Variants in STRBP observed in about 807,000 individuals in gnomAD.
STRBP encodes the protein spermatid perinuclear RNA-binding protein.
A neutral mutation model predicts 80.1 loss-of-function variants in STRBP; 13 were observed. The ratio of observed to expected loss-of-function variants is 0.16; its 90% confidence interval spans 0.11 to 0.26. The LOEUF is 0.26. Ranked by LOEUF, STRBP falls within the 10% of genes least tolerant of loss-of-function variation. STRBP has a pLI of 1.00. For missense variants in STRBP, 485 were observed against 815.2 expected (o/e 0.59, Z 4.93); for synonymous variants, 284 against 291.2 (o/e 0.98, Z 0.25).
intron 1 of STRBP, among the ~76,000 whole-genome samples, chr9:123,259,050 A>C (rs1054374119): frequency 1.4e-5 from 2 of 143,896 alleles, no homozygotes; most frequent in African/African-American, 5.0e-5. Context: ...ATAGACTATA[A>C]GGAGGAAAGG....
At chr9:123,265,962 A>G (rs570072351) in intron 1 of STRBP, among the ~76,000 whole-genome samples, 1 of 152,328 alleles carries the variant, frequency 6.6e-6, no homozygotes, top group East Asian at 1.9e-4. Flanking sequence ...TGCCTATAGC[A>G]TGGGACTCAG....
rs746789158 is a variant in STRBP, at chr9:123,115,341, C to T, written c.*84+588G>A. The T allele has an allele frequency of 9.1e-5, 43 of 471,070 alleles. 1 individual carries two copies. Among genetic ancestry groups the T allele is most frequent in the Middle Eastern group, 6.5e-4 (2 of 3,078 alleles). The allele number at this position is 471,070 out of a possible 1,614,324, so 29.2% of individuals were successfully genotyped here. A position where few individuals can be genotyped will look rare whatever the true frequency, so the allele number is the denominator to read the frequency against. On this transcript the variant is annotated intron_variant and NMD_transcript_variant, in intron 3 of 3. Transcript: ENST00000471564. The surrounding 1 kb of genome is among the most constrained non-coding windows in gnomAD (Gnocchi z 5.0). ...GGCCTGGCTCCTCTCCTGCCCTCGG[C>T]GGGAGACCTGGGAACGGGCCTGCCA... is the stretch of plus-strand genomic sequence containing the variant.
chr9:123,183,027 A>C (rs80116144), intron 3 of STRBP, among the ~76,000 whole-genome samples: 2,459 of 124,268 alleles, frequency 0.02, 47 homozygotes, highest in Non-Finnish European at 0.03. Context: ...AAAAAAAAAA[A>C]AAAAAAAAAA....
At chr9:123,222,366 T>C (rs532262115) in intron 2 of STRBP, among the ~76,000 whole-genome samples, 9 of 152,202 alleles carry the variant, frequency 5.9e-5, no homozygotes, top group Admixed American at 3.9e-4. Flanking sequence ...GTCCCACACC[T>C]GGAATCAGCC....
In STRBP at chr9:123,268,575, G is replaced by A. The variant is rs941984786; in HGVS notation, c.-441C>T. ...CTGCCCTGGTGGCGCTCGCGGCTCC[G>A]GTCTCCGCTTCGGCGGCGGCAGCGG... On this transcript the variant is annotated 5_prime_UTR_variant, in exon 1 of 19. Transcript: ENST00000348403. The A allele has an allele frequency of 2.0e-4, 34 of 167,236 alleles. No homozygotes were observed. The highest frequency in any genetic ancestry group is 7.5e-4 in the African/African-American group (31 of 41,466). 10.4% of individuals were successfully genotyped at this position (167,236 alleles called of 1,614,324 possible).
At chr9:123,249,898 A>AAC (rs1416263636) in intron 1 of STRBP, among the ~76,000 whole-genome samples, 3 of 152,232 alleles carry the variant, frequency 2.0e-5, no homozygotes, top group African/African-American at 7.2e-5. Context: ...GAGGCTATAT[A>AAC]ACGTTGAAGA....
At chr9:123,259,478 G>A (rs977107337) in intron 1 of STRBP, among the ~76,000 whole-genome samples, 12 of 152,126 alleles carry the variant, frequency 7.9e-5, no homozygotes, top group Non-Finnish European at 1.5e-4. Flanking sequence ...AGGCCGAGGC[G>A]GGTGGATCAC....
intron 1 of STRBP, among the ~76,000 whole-genome samples, chr9:123,239,344 T>C (rs938235360): frequency 2.2e-4 from 34 of 151,972 alleles, no homozygotes; most frequent in Non-Finnish European, 4.6e-4. Flanking sequence ...CACTGCACTC[T>C]GGCCTGGGTG....
chr9:123,147,304 T>G (rs1564235829), intron 12 of STRBP, among the ~76,000 whole-genome samples: 1 of 152,176 alleles, frequency 6.6e-6, no homozygotes, highest in Non-Finnish European at 1.5e-5. Context: ...CAAAAAAGCT[T>G]GGAAACAAAA....
At chr9:123,222,747 T>C (rs1018186580) in intron 2 of STRBP, among the ~76,000 whole-genome samples, 1 of 152,160 alleles carries the variant, frequency 6.6e-6, no homozygotes, top group African/African-American at 2.4e-5. Context: ...ACATTAAGAA[T>C]ATTCCAAAAG....
Position 123,170,043 on chromosome 9 carries a change from G to A in STRBP, c.394C>T (p.Leu132Phe), listed in dbSNP as rs1316157919. 2 of 1,595,290 alleles carry A rather than the reference G, an allele frequency of 1.3e-6. No homozygotes were observed. Among genetic ancestry groups the A allele is most frequent in the South Asian group, 2.3e-5 (2 of 86,790 alleles). ...KDNLPIQIQK[L>F]TEEKYQVEQC... ...TCCACTTGATATTTCTCTTCTGTGA[G>A]TTTCTGAAAGTCACCAAGATTTCAA... Residue 132 changes from leucine (L) to phenylalanine (F), a missense_variant, in exon 6 of 19, where the codon CTC (leucine) becomes TTC (phenylalanine). Around this residue, in one of 3 missense-constraint regions of STRBP, gnomAD observed 377 missense variants for 616.1 expected, o/e 0.61. Transcript: ENST00000348403.
intron 2 of STRBP, among the ~76,000 whole-genome samples, chr9:123,235,086 T>C (rs1209512303): frequency 6.6e-6 from 1 of 151,468 alleles, no homozygotes; most frequent in Non-Finnish European, 1.5e-5. Flanking sequence ...ATACCTTATG[T>C]AACCACTGAA....
chr9:123,179,693 G>A (rs914120837), intron 3 of STRBP, among the ~76,000 whole-genome samples: 1 of 151,412 alleles, frequency 6.6e-6, no homozygotes, highest in East Asian at 1.9e-4. Flanking sequence ...GCAGTGAGCC[G>A]AGATCACACC....
Position 123,248,437 on chromosome 9 carries a change from T to A in STRBP, c.-301-11471A>T, listed in dbSNP as rs542897987. Among the ~76,000 whole-genome samples, 7 of 152,022 alleles carry A rather than the reference T, an allele frequency of 4.6e-5. 1 individual carries two copies. The South Asian group carries it at 1.2e-3, about 27-fold the overall frequency. On this transcript the variant is annotated intron_variant, in intron 1 of 18. Coordinates refer to ENST00000348403, the MANE Select transcript of STRBP (RefSeq NM_018387.5). The stretch of plus-strand genomic sequence containing the variant: ...CACATGCCACCATGCCCAGATTTTT[T>A]TTATTATTATTTTTAGTAGAGACGG...
chr9:123,245,442 T>C (rs1272611476), intron 1 of STRBP, among the ~76,000 whole-genome samples: 3 of 152,218 alleles, frequency 2.0e-5, no homozygotes, highest in African/African-American at 7.2e-5. Flanking sequence ...CAGGCTGGAG[T>C]GCAGTGGCAC....
At chr9:123,139,882 G>T (rs2036516858) in intron 13 of STRBP, among the ~76,000 whole-genome samples, 195 bp from the exon 14 acceptor site, 1 of 152,172 alleles carries the variant, frequency 6.6e-6, no homozygotes, top group South Asian at 2.1e-4. Context: ...ATGGAAAAAT[G>T]GGGAAAACCT....
At chr9:123,238,386 T>A (rs372190644) in intron 1 of STRBP, among the ~76,000 whole-genome samples, 3 of 152,240 alleles carry the variant, frequency 2.0e-5, no homozygotes, top group South Asian at 2.1e-4. Context: ...TACAACCTAC[T>A]TGGTGGTGCA....
At chr9:123,244,832 A>G (rs1024199136) in intron 1 of STRBP, among the ~76,000 whole-genome samples, 1 of 152,236 alleles carries the variant, frequency 6.6e-6, no homozygotes, top group Non-Finnish European at 1.5e-5. Flanking sequence ...GAAAATTATG[A>G]CCATTCAAAA....
intron 9 of STRBP, among the ~76,000 whole-genome samples, chr9:123,158,885 T>C (rs1357129849): frequency 6.6e-6 from 1 of 152,182 alleles, no homozygotes; most frequent in Non-Finnish European, 1.5e-5. Flanking sequence ...ATTAGTACCC[T>C]TTATGTTAGT....
Sources: gnomAD v4.1 joint callset for allele counts (sites outside exome capture counted in the v4.1 genomes callset) on GRCh38, gnomAD v4.1.1 for gene constraint, gnomAD v4.1.1 regional missense constraint, Gnocchi (gnomAD v3.1) non-coding constraint, MANE v1.5 for transcripts, NCBI Gene and HGNC (gene_info 2026-07-23, HGNC 2026-07-21) for gene names.